Variants in C10orf71 observed in about 807,000 individuals in gnomAD.
The protein encoded by C10orf71 is chromosome 10 open reading frame 71.
For missense variants in C10orf71, 1,869 were observed against 1,804.5 expected (o/e 1.04, Z -0.65); for synonymous variants, 758 against 726.3 (o/e 1.04, Z -0.70).
rs182247538 is a variant in C10orf71 at position 49,323,671 on chromosome 10, C to T, written c.1126C>T (p.Pro376Ser). ...PSSQPDSQEK[P>S]AQPPWRKPKT... ...CTCACAACCTGATTCTCAAGAGAAG[C>T]CAGCCCAGCCCCCATGGAGGAAGCC... The change falls in exon 3 of 3, where the codon CCA becomes TCA. Residue 376 changes from proline to serine, a missense_variant. Physicochemically the swap from Pro to Ser is moderately conservative, Grantham distance 74 (BLOSUM62 -1). Transcript: ENST00000374144. 6.2e-7 allele frequency: 1 copy of T among 1,610,714 alleles called. No individual in the cohort carries two copies. The highest frequency in any genetic ancestry group is 2.2e-5 in the East Asian group (1 of 44,866).
intron 1 of C10orf71, among the ~76,000 whole-genome samples, chr10:49,312,044 T>C (rs1029335498): frequency 6.6e-6 from 1 of 152,222 alleles, no homozygotes; most frequent in African/African-American, 2.4e-5. Flanking sequence ...GGTATTTCGG[T>C]GCTTATCTCA....
intron 2 of C10orf71, among the ~76,000 whole-genome samples, chr10:49,319,572 T>C (rs897319950): frequency 6.6e-6 from 1 of 151,758 alleles, no homozygotes; most frequent in Non-Finnish European, 1.5e-5. Flanking sequence ...CACACCTACA[T>C]TTGTGGCAAC....
intron 1 of C10orf71, among the ~76,000 whole-genome samples, chr10:49,315,584 G>A (rs927927432): frequency 2.6e-5 from 4 of 152,172 alleles, no homozygotes; most frequent in African/African-American, 9.7e-5. Flanking sequence ...TTAGAAAACT[G>A]AAAGGCTTAA....
intron 2 of C10orf71, among the ~76,000 whole-genome samples, chr10:49,321,138 G>A (rs1179315232): frequency 6.6e-6 from 1 of 151,986 alleles, no homozygotes; most frequent in African/African-American, 2.4e-5. Flanking sequence ...GTTAACTACA[G>A]ACACCTGCTG....
intron 1 of C10orf71, among the ~76,000 whole-genome samples, chr10:49,304,080 GCT>G (rs2132399665): frequency 6.6e-6 from 1 of 152,340 alleles, no homozygotes; most frequent in Non-Finnish European, 1.5e-5. Context: ...GGGAAGATGA[GCT>G]CTGCAGGAGA....
At chr10:49,307,953 T>C (rs1217086136) in intron 1 of C10orf71, among the ~76,000 whole-genome samples, 2 of 152,172 alleles carry the variant, frequency 1.3e-5, no homozygotes, top group Non-Finnish European at 2.9e-5. Flanking sequence ...CCCTGTGCCT[T>C]GTTCCCTGGC....
At chr10:49,311,190 AC>A (rs200164843) in intron 1 of C10orf71, among the ~76,000 whole-genome samples, 1,553 of 152,246 alleles carry the variant, frequency 0.01, 18 homozygotes, top group South Asian at 0.024. Flanking sequence ...CTCCAGCGTC[AC>A]CCAGTGGGGC....
intron 1 of C10orf71, among the ~76,000 whole-genome samples, chr10:49,304,631 C>A (rs948067651): frequency 2.0e-5 from 3 of 152,204 alleles, no homozygotes; most frequent in Admixed American, 6.5e-5. Flanking sequence ...CCTGCCCTCC[C>A]GTAGTTCTCA....
In C10orf71 at chr10:49,326,588, C is replaced by A. The variant is rs866510657; in HGVS notation, c.4043C>A (p.Pro1348Gln). ...CCAGTGCCCGTGACGGCCTTGATGCCGCTGCGCTGCTCCTCTCAGCTCTCC... is the reference window on the plus strand; with the variant it reads ...CCAGTGCCCGTGACGGCCTTGATGCAGCTGCGCTGCTCCTCTCAGCTCTCC... ...FQPVPVTALMPLRCSSQLSAP... is the reference protein window; with the variant it reads ...FQPVPVTALMQLRCSSQLSAP... Residue 1348 changes from proline to glutamine, a missense_variant, in exon 3 of 3, where the codon CCG becomes CAG. Physicochemically the swap from Pro to Gln is moderately conservative, Grantham distance 76. Transcript: ENST00000374144. 1.9e-6 allele frequency: 3 copies of A among 1,550,380 alleles called. No individual in the cohort carries two copies. Among genetic ancestry groups the A allele is most frequent in the Admixed American group, 2.0e-5 (1 of 50,978 alleles).
intron 1 of C10orf71, among the ~76,000 whole-genome samples, chr10:49,314,715 A>AG (rs1590331511): frequency 1.3e-5 from 2 of 152,300 alleles, no homozygotes; most frequent in Admixed American, 6.5e-5. Flanking sequence ...AGCTGTGGGC[A>AG]GGGGAGTGGC....
At chr10:49,315,870 A>G (rs1477730151) in intron 1 of C10orf71, among the ~76,000 whole-genome samples, 1 of 152,212 alleles carries the variant, frequency 6.6e-6, no homozygotes, top group East Asian at 1.9e-4. Flanking sequence ...AGCCTGGCCA[A>G]TATGGTGAAA....
Position 49,325,293 on chromosome 10 carries a change from A to T in C10orf71, c.2748A>T (p.Thr916=). Reference sequence around the variant, plus strand: ...CCGAAAACCAGGACATTCTTGGTACATCGACACCCACTAACACACGGGGCA... The same window carrying T: ...CCGAAAACCAGGACATTCTTGGTACTTCGACACCCACTAACACACGGGGCA... The part of the protein sequence containing the change: ...CAPENQDILG[T]STPTNTRGTR... The change falls in exon 3 of 3, where the codon ACA becomes ACT. Residue 916 remains threonine, a synonymous_variant. Coordinates refer to ENST00000374144, the MANE Select transcript of C10orf71 (RefSeq NM_001135196.2). The T allele has an allele frequency of 6.4e-7, 1 of 1,551,738 alleles. No homozygotes were observed. Among genetic ancestry groups the T allele is most frequent in the Non-Finnish European group, 8.7e-7 (1 of 1,146,998 alleles).
intron 2 of C10orf71, among the ~76,000 whole-genome samples, chr10:49,319,212 G>A (rs1849048937): frequency 6.6e-6 from 1 of 152,150 alleles, no homozygotes; most frequent in East Asian, 1.9e-4. Context: ...GCCAGGCAAT[G>A]TTCTAGGCAA....
chr10:49,307,298 T>C (rs567364688), intron 1 of C10orf71, among the ~76,000 whole-genome samples: 1 of 152,362 alleles, frequency 6.6e-6, no homozygotes, highest in South Asian at 2.1e-4. Flanking sequence ...ATCTGGCTGC[T>C]GAGGCTGGGC....
Position 49,323,838 on chromosome 10 carries a change from G to A in C10orf71, c.1293G>A (p.Val431=). Residue 431 remains valine (V), a synonymous_variant, in exon 3 of 3, where the codon GTG becomes GTA. Transcript: ENST00000374144. ...AAAACAATGCTCTTGACCTGCCTGT[G>A]GAACCCAATGAACATTATGATCCCC... ...FSENNALDLP[V]EPNEHYDPPF... is the part of the protein sequence containing the mutation. 1 of 1,613,866 alleles carries A rather than the reference G, an allele frequency of 6.2e-7. No homozygotes were observed.
Position 49,324,687 on chromosome 10 carries a change from C to T in C10orf71, c.2142C>T (p.Ser714=). The part of the protein sequence containing the change: ...PEEEDVFYSD[S]QSDFMPSLKG... ...AGGAAGATGTGTTTTACAGTGACAG[C>T]CAATCCGATTTTATGCCAAGCCTCA... The change falls in exon 3 of 3, where the codon AGC becomes AGT. Residue 714 remains serine (S), a synonymous_variant. Transcript: ENST00000374144. 6.2e-7 allele frequency: 1 copy of T among 1,609,632 alleles called. No homozygotes were observed. The highest frequency in any genetic ancestry group is 8.5e-7 in the Non-Finnish European group (1 of 1,177,778).
rs953926836 is a variant in C10orf71, at chr10:49,318,215, A to G, written c.-145+1968A>G. On this transcript the variant is annotated intron_variant, in intron 2 of 2. Coordinates refer to ENST00000374144, the MANE Select transcript of C10orf71 (RefSeq NM_001135196.2). ...TGCTCCTTTGATTAGAAAGGCAGGA[A>G]CTTTCACAGACTGCTGGCTGCTTCC... Among the ~76,000 whole-genome samples the G allele has an allele frequency of 2.6e-5, 4 of 152,226 alleles. No homozygotes were observed. The East Asian group carries it at 7.7e-4, about 29-fold the overall frequency.
Position 49,316,527 on chromosome 10 carries a change from A to G in C10orf71, c.-145+280A>G, listed in dbSNP as rs73307884. Among the ~76,000 whole-genome samples, 1,277 of 152,314 alleles carry G rather than the reference A, an allele frequency of 8.4e-3. 17 individuals carry two copies. The highest frequency in any genetic ancestry group is 0.029 in the African/African-American group (1,224 of 41,560). ...TCCTTCACCACTGTTTAGAATGAGG[A>G]TATAAACCCAGGATCAGGTAGGGTT... On this transcript the variant is annotated intron_variant, in intron 2 of 2. Coordinates refer to ENST00000374144, the MANE Select transcript of C10orf71 (RefSeq NM_001135196.2).
chr10:49,319,733 T>TAC lies in C10orf71; in HGVS notation c.-144-2665_-144-2664dup, dbSNP rs1200887272. On this transcript the variant is annotated intron_variant, in intron 2 of 2. Transcript: ENST00000374144. The stretch of plus-strand genomic sequence containing the variant: ...ATATATATATATATATATATATATA[T>TAC]ACACATACATATATGTGGGTGTATA... Among the ~76,000 whole-genome samples, 89 of 84,994 alleles carry TAC rather than the reference T, an allele frequency of 1.0e-3. 2 individuals are homozygous for TAC. Among genetic ancestry groups the TAC allele is most frequent in the Admixed American group, 1.1e-3 (9 of 7,968 alleles). 55.8% of individuals were successfully genotyped at this position (84,994 alleles called of 152,430 possible).
Sources: allele counts gnomAD v4.1 joint callset (sites outside exome capture counted in the v4.1 genomes callset), GRCh38; gene constraint gnomAD v4.1.1; transcripts MANE v1.5; gene names NCBI Gene and HGNC (gene_info 2026-07-23, HGNC 2026-07-21).